CBX3: variants seen among roughly 807,000 people sequenced by gnomAD.
CBX3 encodes chromobox protein homolog 3.
A neutral mutation model predicts 22.6 loss-of-function variants in CBX3; 5 were observed. The observed-to-expected ratio is 0.22, with a 90% confidence interval of 0.12 to 0.47. The LOEUF (loss-of-function observed/expected upper bound fraction) is 0.47, where lower values mean the gene tolerates loss of function less well. CBX3 is among the 20% of genes least tolerant of loss of function. The pLI, the probability that CBX3 is intolerant of heterozygous loss-of-function variation, is 0.99. For synonymous variants in CBX3, 50 were observed against 66.6 expected, an observed-to-expected ratio of 0.75 and a Z score of 1.21; for missense variants, 83 against 208.1, an observed-to-expected ratio of 0.40 and a Z score of 3.70.
At chr7:26,209,964 A>G (rs1299374732) in intron 4 of CBX3, 1 of 152,174 alleles carries the variant, frequency 6.6e-6, no homozygotes, top group Non-Finnish European at 1.5e-5. Context: ...TTGACTACAA[A>G]TTTGGTTTTG....
intron 2 of CBX3, among the ~76,000 whole-genome samples, chr7:26,204,406 C>T (rs1323470165): frequency 6.6e-6 from 1 of 152,172 alleles, no homozygotes; most frequent in Non-Finnish European, 1.5e-5. Flanking sequence ...ACCATTATTC[C>T]TACCTTCTTG....
At position 26,208,187 on chromosome 7, in the gene CBX3, A is replaced by C. The variant is rs1228371235; in HGVS notation, c.168-206A>C. ...CAGTGAGCTATGATTCCACTACTGC[A>C]CTCTCGTCTGGGCAACAAAGCAAGA... is the stretch of plus-strand genomic sequence containing the variant. On this transcript the variant is annotated intron_variant, in intron 3 of 5. Coordinates refer to ENST00000396386, the MANE Select transcript of CBX3 (RefSeq NM_016587.4). 1.3e-5 allele frequency: 5 copies of C among 396,958 alleles called. No individual in the cohort carries two copies. The Admixed American group carries it at 1.8e-4, about 14-fold the overall frequency. The allele number at this position is 396,958 out of a possible 1,614,324, so 24.6% of individuals were successfully genotyped here. A position where few individuals can be genotyped will look rare whatever the true frequency, so the allele number is the denominator to read the frequency against.
intron 4 of CBX3, among the ~76,000 whole-genome samples, chr7:26,209,410 A>C (rs750515465): frequency 2.6e-5 from 4 of 152,148 alleles, no homozygotes; most frequent in Non-Finnish European, 5.9e-5. Context: ...TGATCAGACC[A>C]ATTACCTGTG....
chr7:26,208,916 C>CCTTTTT (rs1562747293), intron 4 of CBX3, among the ~76,000 whole-genome samples: 2 of 61,144 alleles, frequency 3.3e-5, no homozygotes, highest in East Asian at 1.9e-3. Flanking sequence ...CCACGCCTGG[C>CCTTTTT]CTTTTTTTTT....
chr7:26,211,772 TTGTTA>T lies in CBX3; in HGVS notation c.425+17_425+21del. ...TCATGAAATGGTGAGTATGCAGAGA[TTGTTA>T]CATTTGAAAGTAAGAGTAGCTTTTT... On this transcript the variant is annotated intron_variant, in intron 5 of 5. Coordinates refer to ENST00000396386, the MANE Select transcript of CBX3 (RefSeq NM_016587.4). 1 of 1,526,674 alleles carries T rather than the reference TTGTTA, an allele frequency of 6.6e-7. No homozygotes were observed. The highest frequency in any genetic ancestry group is 2.0e-5 in the Admixed American group (1 of 49,104). 94.6% of individuals were successfully genotyped at this position (1,526,674 alleles called of 1,614,324 possible). A position where few individuals can be genotyped will look rare whatever the true frequency, so the allele number is the denominator to read the frequency against.
At chr7:26,208,615 C>CA (rs1584039272) in intron 4 of CBX3, 60 bp downstream of exon 4, 3 of 1,474,300 alleles carry the variant, frequency 2.0e-6, no homozygotes, top group Non-Finnish European at 2.8e-6. Context: ...GGCTTGATTT[C>CA]TTTTTTGTTT....
rs1288538830 is a variant in CBX3 at position 26,212,392 on chromosome 7, A to G, written c.*184A>G. On this transcript the variant is annotated 3_prime_UTR_variant, in exon 6 of 6. Transcript: ENST00000396386. ...TGCATCCATAGCACTGGTTACTTTG[A>G]ACAAATAAATAAAAGCTTTCTGTAG... is the stretch of plus-strand genomic sequence containing the variant. The G allele has an allele frequency of 1.2e-5, 3 of 258,940 alleles. No individual in the cohort carries two copies. Among genetic ancestry groups the G allele is most frequent in the Non-Finnish European group, 1.4e-5 (2 of 138,828 alleles). 16.0% of individuals were successfully genotyped at this position (258,940 alleles called of 1,614,324 possible).
At position 26,213,190 on chromosome 7, in the gene CBX3, C is replaced by T. The variant is rs1584043692; in HGVS notation, c.*982C>T. 1 of 152,686 alleles carries T rather than the reference C, an allele frequency of 6.5e-6. No homozygotes were observed. The highest frequency in any genetic ancestry group is 1.5e-5 in the Non-Finnish European group (1 of 68,050). The allele number at this position is 152,686 out of a possible 1,614,324, so 9.5% of individuals were successfully genotyped here. A position where few individuals can be genotyped will look rare whatever the true frequency, so the allele number is the denominator to read the frequency against. ...TGACCTGCATGTTTTTTCTTTACCC[C>T]AATTCATTACATGGAGGCTCAATCT... On this transcript the variant is annotated 3_prime_UTR_variant, in exon 6 of 6. Coordinates refer to ENST00000396386, the MANE Select transcript of CBX3 (RefSeq NM_016587.4).
chr7:26,208,274 G>C, intron 3 of CBX3, 119 bp from the exon 4 acceptor site: 1 of 675,028 alleles, frequency 1.5e-6, no homozygotes, highest in Non-Finnish European at 2.4e-6. Flanking sequence ...GAAATGATTA[G>C]TATCTGCAGT....
At chr7:26,207,120 C>T (rs964987115) in intron 3 of CBX3, among the ~76,000 whole-genome samples, 2 of 152,170 alleles carry the variant, frequency 1.3e-5, no homozygotes, top group African/African-American at 2.4e-5. Flanking sequence ...CCCCCTTACA[C>T]CACAAAGCTC....
At chr7:26,201,989 C>T (rs1293853210) in intron 1 of CBX3, 163 bp downstream of exon 1, 1 of 152,090 alleles carries the variant, frequency 6.6e-6, no homozygotes, top group African/African-American at 2.4e-5. Flanking sequence ...GGCCTCGCGG[C>T]TGGCCTGGCG....
intron 4 of CBX3, among the ~76,000 whole-genome samples, chr7:26,211,062 A>C (rs758592568): frequency 1.3e-5 from 2 of 150,550 alleles, no homozygotes; most frequent in Non-Finnish European, 2.9e-5. Flanking sequence ...CTTAATACCA[A>C]CCATAGCTGA....
chr7:26,201,889 C>T (rs1784473900), intron 1 of CBX3, 63 bp downstream of exon 1: 1 of 145,766 alleles, frequency 6.9e-6, no homozygotes, highest in Admixed American at 6.8e-5. Context: ...CCACACGCGT[C>T]CCGGGGGCCC....
intron 3 of CBX3, among the ~76,000 whole-genome samples, chr7:26,207,183 G>T (rs10085828): frequency 1.3e-5 from 2 of 152,124 alleles, no homozygotes; most frequent in African/African-American, 2.4e-5. Flanking sequence ...TCCTGAGCAC[G>T]CTGGAGATGG....
Position 26,212,582 on chromosome 7 carries a change from TTGTGTGTGTGTGTGTG to T in CBX3, c.*390_*405del, listed in dbSNP as rs70943279. On this transcript the variant is annotated 3_prime_UTR_variant, in exon 6 of 6. Coordinates refer to ENST00000396386, the MANE Select transcript of CBX3 (RefSeq NM_016587.4). ...CCATTCTAGATTTATTACGTGTTTT[TTGTGTGTGTGTGTGTG>T]TGTGTGTGTGTGTGTATCCATAAAA... 1.7e-4 allele frequency: 19 copies of T among 109,148 alleles called. No homozygotes were observed. Among genetic ancestry groups the T allele is most frequent in the African/African-American group, 2.4e-4 (7 of 29,208 alleles). 6.8% of individuals were successfully genotyped at this position (109,148 alleles called of 1,614,324 possible).
rs1230994931 is a variant in CBX3 at position 26,213,473 on chromosome 7, A to G, written c.*1265A>G. 6.6e-6 allele frequency: 1 copy of G among 152,204 alleles called. No homozygotes were observed. Among genetic ancestry groups the G allele is most frequent in the Non-Finnish European group, 1.5e-5 (1 of 68,036 alleles). The allele number at this position is 152,204 out of a possible 1,614,324, so 9.4% of individuals were successfully genotyped here. A position where few individuals can be genotyped will look rare whatever the true frequency, so the allele number is the denominator to read the frequency against. On this transcript the variant is annotated 3_prime_UTR_variant, in exon 6 of 6. Coordinates refer to ENST00000396386, the MANE Select transcript of CBX3 (RefSeq NM_016587.4). Reference sequence around the variant, plus strand: ...ATACCAGTAAGGCATTACAGTACATATCCTAGATCTTTTGAGCTTACGAGT... The same window carrying G: ...ATACCAGTAAGGCATTACAGTACATGTCCTAGATCTTTTGAGCTTACGAGT...
chr7:26,204,613 G>A (rs1402141097), intron 2 of CBX3, among the ~76,000 whole-genome samples: 9 of 152,178 alleles, frequency 5.9e-5, no homozygotes, highest in Non-Finnish European at 7.3e-5. Context: ...CCCTTTTGCA[G>A]TCTTGAGGCC....
rs992793926 is a variant in CBX3 at position 26,206,463 on chromosome 7, A to T, written c.120A>T (p.Val40=). The T allele has an allele frequency of 6.2e-7, 1 of 1,614,038 alleles. No individual in the cohort carries two copies. The highest frequency in any genetic ancestry group is 8.5e-7 in the Non-Finnish European group (1 of 1,179,906). The change falls in exon 3 of 6, where the codon GTA becomes GTT. Residue 40 remains valine, a synonymous_variant. Coordinates refer to ENST00000396386, the MANE Select transcript of CBX3 (RefSeq NM_016587.4). ...FVVEKVLDRR[V]VNGKVEYFLK... is the part of the protein sequence containing the mutation. ...TGGAAAAAGTACTAGATCGACGTGT[A>T]GTGAATGGGAAAGTGGAATATTTCC...
intron 3 of CBX3, 145 bp downstream of exon 3, chr7:26,206,655 G>A (rs1411306593): frequency 1.3e-6 from 1 of 766,242 alleles, no homozygotes; most frequent in South Asian, 1.6e-5. Flanking sequence ...TCTCATTTGA[G>A]GTCTATTTCA....
Sources: gnomAD v4.1 joint callset for allele counts (sites outside exome capture counted in the v4.1 genomes callset) on GRCh38, gnomAD v4.1.1 for gene constraint, MANE v1.5 for transcripts, NCBI Gene and HGNC (gene_info 2026-07-23, HGNC 2026-07-21) for gene names.